CASZ1: variants seen among roughly 807,000 people sequenced by gnomAD.
CASZ1 encodes zinc finger protein castor homolog 1.
In CASZ1, 28 loss-of-function variants were observed where a neutral mutation model predicts 135.2. That is an observed-to-expected ratio of 0.21 (90% CI 0.15 to 0.28). The LOEUF (loss-of-function observed/expected upper bound fraction) is 0.28. CASZ1 is among the 10% of genes least tolerant of loss of function. The probability of loss-of-function intolerance (pLI) is 1.00; values close to 1 mark genes in which losing one functional copy is unlikely to be tolerated. For missense variants in CASZ1, 2,161 were observed against 2,453.3 expected (o/e 0.88, Z 2.52); for synonymous variants, 1,068 against 1,073.4 (o/e 0.99, Z 0.10).
At position 10,724,273 on chromosome 1, in the gene CASZ1, C is replaced by A. The variant is rs775575364; in HGVS notation, c.-76-18729G>T. 2.6e-5 allele frequency among the ~76,000 whole-genome samples: 4 copies of A among 152,230 alleles called. No homozygotes were observed. Among genetic ancestry groups the A allele is most frequent in the Non-Finnish European group, 4.4e-5 (3 of 68,044 alleles). ...CCCAGAGCCACGGCCCCCTCCCCAG[C>A]ACCAAGAACCTTTCTGAGGAAATCA... On this transcript the variant is annotated intron_variant, in intron 2 of 20. Transcript: ENST00000377022. This position sits in a 1 kb window ranked among gnomAD's most constrained non-coding sequence, Gnocchi z 4.1.
chr1:10,650,669 G>A, intron 13 of CASZ1, 23 bp downstream of exon 13: 1 of 1,598,914 alleles, frequency 6.3e-7, no homozygotes. Context: ...GGGAACGGGA[G>A]GCGTGTGATG....
rs891086117 is a variant in CASZ1 at position 10,697,592 on chromosome 1, C to A, written c.-23-3680G>T. ...CACTGCTATCGCTGGTTCCTGTTAC[C>A]CCCCCCGCACCCCCAAGTTGCCCAC... On this transcript the variant is annotated intron_variant, in intron 3 of 20. Transcript: ENST00000377022. The surrounding 1 kb of genome is among the most constrained non-coding windows in gnomAD (Gnocchi z 4.7). Among the ~76,000 whole-genome samples the A allele has an allele frequency of 2.0e-5, 3 of 151,492 alleles. No individual in the cohort carries two copies. The highest frequency in any genetic ancestry group is 6.6e-5 in the Admixed American group (1 of 15,248).
intron 7 of CASZ1, 53 bp downstream of exon 7, chr1:10,658,455 C>T (rs1481224321): frequency 1.4e-6 from 2 of 1,478,008 alleles, no homozygotes; most frequent in Non-Finnish European, 1.9e-6. Context: ...AGTGCCCGGT[C>T]AGTCCTGGCC....
chr1:10,718,511 G>C (rs79774324), intron 2 of CASZ1, among the ~76,000 whole-genome samples: 2 of 152,188 alleles, frequency 1.3e-5, no homozygotes, highest in African/African-American at 4.8e-5. Context: ...AGGAGGGCAC[G>C]CCAGGCTCCT....
At position 10,709,556 on chromosome 1, in the gene CASZ1, T is replaced by C. The variant is rs964704713; in HGVS notation, c.-76-4012A>G. ...AACCTATTTTCTGCCTCAAATTTGA[T>C]TGATTAAAAAACTTTTTAGGAAAAG... On this transcript the variant is annotated intron_variant, in intron 2 of 20. Coordinates refer to ENST00000377022, the MANE Select transcript of CASZ1 (RefSeq NM_001079843.3). This position sits in a 1 kb window ranked among gnomAD's most constrained non-coding sequence, Gnocchi z 5.1. Among the ~76,000 whole-genome samples, 2 of 151,928 alleles carry C rather than the reference T, an allele frequency of 1.3e-5. No homozygotes were observed. The highest frequency in any genetic ancestry group is 4.8e-5 in the African/African-American group (2 of 41,358).
chr1:10,671,022 C>T (rs1259412890), intron 4 of CASZ1, among the ~76,000 whole-genome samples: 1 of 152,250 alleles, frequency 6.6e-6, no homozygotes, highest in Non-Finnish European at 1.5e-5. Context: ...CTCAACAGCT[C>T]CAACTTGGGT....
intron 2 of CASZ1, among the ~76,000 whole-genome samples, chr1:10,715,553 A>ACACCCCACAGCACCCAATCCG (rs1639363935): frequency 9.9e-6 from 1 of 101,288 alleles, no homozygotes; most frequent in Non-Finnish European, 2.0e-5. Context: ...CACCCAATCC[A>ACACCCCACAGCACCCAATCCG]CACCCCACAG....
Position 10,762,853 on chromosome 1 carries a change from G to A in CASZ1, c.-233-1996C>T, listed in dbSNP as rs1640403992. Among the ~76,000 whole-genome samples the A allele has an allele frequency of 6.6e-6, 1 of 152,200 alleles. No homozygotes were observed. Among genetic ancestry groups the A allele is most frequent in the African/African-American group, 2.4e-5 (1 of 41,458 alleles). ...ACACTCTCGGTGTTTCATGTCCTTG[G>A]CTCAGAGGAGGTTCCAGCTATGGAA... On this transcript the variant is annotated intron_variant, in intron 1 of 20. Transcript: ENST00000377022. The surrounding 1 kb of genome is among the most constrained non-coding windows in gnomAD (Gnocchi z 4.1).
intron 2 of CASZ1, among the ~76,000 whole-genome samples, chr1:10,746,524 T>G (rs1253631476): frequency 6.6e-6 from 1 of 152,214 alleles, no homozygotes; most frequent in African/African-American, 2.4e-5. Flanking sequence ...CCCAGCCCCA[T>G]GGCTTCAGAT....
rs907953662 is a variant in CASZ1, at chr1:10,679,882, G to A, written c.16+13992C>T. Among the ~76,000 whole-genome samples the A allele has an allele frequency of 1.3e-5, 2 of 152,182 alleles. No individual in the cohort carries two copies. Among genetic ancestry groups the A allele is most frequent in the African/African-American group, 2.4e-5 (1 of 41,460 alleles). ...GCAGCAGGCCAAGTCCCAGCCCTGG[G>A]ACTCCCCTCCCCTACCCTTCCAGCA... On this transcript the variant is annotated intron_variant, in intron 4 of 20. Coordinates refer to ENST00000377022, the MANE Select transcript of CASZ1 (RefSeq NM_001079843.3). The surrounding 1 kb of genome is among the most constrained non-coding windows in gnomAD (Gnocchi z 4.7).
intron 4 of CASZ1, among the ~76,000 whole-genome samples, chr1:10,689,205 C>T (rs1041219327): frequency 3.9e-5 from 6 of 152,132 alleles, no homozygotes; most frequent in Non-Finnish European, 8.8e-5. Flanking sequence ...CTGGCAGGAC[C>T]CAGGAAGAAG....
intron 1 of CASZ1, among the ~76,000 whole-genome samples, chr1:10,791,097 A>G (rs1640949147): frequency 6.7e-6 from 1 of 149,610 alleles, no homozygotes; most frequent in Non-Finnish European, 1.5e-5. Flanking sequence ...AAAAAAAAAA[A>G]GTTGAAAAAT....
At chr1:10,658,997 A>G (rs1049321070) in intron 6 of CASZ1, among the ~76,000 whole-genome samples, 2 of 152,120 alleles carry the variant, frequency 1.3e-5, no homozygotes, top group African/African-American at 4.8e-5. Context: ...GCTCCAAGGC[A>G]TGCAGCCCCC....
chr1:10,693,826 G>C, intron 4 of CASZ1, 48 bp downstream of exon 4: 1 of 1,471,328 alleles, frequency 6.8e-7, no homozygotes, highest in Non-Finnish European at 9.2e-7. Context: ...CGTAAAAGAA[G>C]CGAAAGAAAA....
intron 2 of CASZ1, among the ~76,000 whole-genome samples, chr1:10,733,390 C>T (rs1639737383): frequency 6.6e-6 from 1 of 152,230 alleles, no homozygotes. Flanking sequence ...ACACTCGCCA[C>T]TGCCGAGAGG....
intron 1 of CASZ1, among the ~76,000 whole-genome samples, chr1:10,795,228 C>G (rs1270323175): frequency 1.3e-5 from 2 of 152,074 alleles, no homozygotes; most frequent in African/African-American, 4.8e-5. Flanking sequence ...CCTGGATCCC[C>G]GCTCCCCGAC....
intron 2 of CASZ1, among the ~76,000 whole-genome samples, chr1:10,753,803 G>A (rs1403680713): frequency 6.6e-6 from 1 of 152,212 alleles, no homozygotes; most frequent in Non-Finnish European, 1.5e-5. Flanking sequence ...ACCTGTGAGA[G>A]GCGGAGTCGG....
Position 10,725,735 on chromosome 1 carries a change from GGAGACCCCAGA to G in CASZ1, c.-76-20202_-76-20192del, listed in dbSNP as rs2100495326. Among the ~76,000 whole-genome samples the G allele has an allele frequency of 6.6e-6, 1 of 151,420 alleles. No individual in the cohort carries two copies. The highest frequency in any genetic ancestry group is 1.9e-4 in the East Asian group (1 of 5,160). ...GAAAGCCCTTTTTTTTTTTTTACTA[GGAGACCCCAGA>G]GAGGATGATCCTGGGGAACCCTGGA... is the stretch of plus-strand genomic sequence containing the variant. On this transcript the variant is annotated intron_variant, in intron 2 of 20. Coordinates refer to ENST00000377022, the MANE Select transcript of CASZ1 (RefSeq NM_001079843.3). This position sits in a 1 kb window ranked among gnomAD's most constrained non-coding sequence, Gnocchi z 4.4.
At chr1:10,712,457 G>A (rs572745088) in intron 2 of CASZ1, among the ~76,000 whole-genome samples, 17 of 152,284 alleles carry the variant, frequency 1.1e-4, no homozygotes, top group African/African-American at 3.9e-4. Flanking sequence ...AAATGATATC[G>A]CTTTTTTAAA....
Sources: gnomAD v4.1 joint callset for allele counts (sites outside exome capture counted in the v4.1 genomes callset) on GRCh38, gnomAD v4.1.1 for gene constraint, Gnocchi (gnomAD v3.1) non-coding constraint, MANE v1.5 for transcripts, NCBI Gene and HGNC (gene_info 2026-07-23, HGNC 2026-07-21) for gene names.